PDE1A: variants seen among roughly 807,000 people sequenced by gnomAD.
PDE1A encodes dual specificity calcium/calmodulin-dependent 3',5'-cyclic nucleotide phosphodiesterase 1A.
In PDE1A, 35 loss-of-function variants were observed where a neutral mutation model predicts 61.7. The ratio of observed to expected loss-of-function variants is 0.57; its 90% CI spans 0.43 to 0.75. The LOEUF (loss-of-function observed/expected upper bound fraction) is 0.75. Among genes scored for constraint, PDE1A ranks in the 30% least tolerant of loss-of-function variants. PDE1A has a pLI of 0.00. For synonymous variants in PDE1A, 232 were observed against 213.2 expected, an observed-to-expected ratio of 1.09 and a Z score of -0.77; for missense variants, 597 against 630.6, an observed-to-expected ratio of 0.95 and a Z score of 0.57.
chr2:182,342,249 T>C (rs1386560039), intron 1 of PDE1A, among the ~76,000 whole-genome samples: 1 of 152,216 alleles, frequency 6.6e-6, no homozygotes, highest in Non-Finnish European at 1.5e-5. Flanking sequence ...AGTGTTGTTG[T>C]TGTTTGTTTT....
chr2:182,265,041 G>A (rs975580659), intron 1 of PDE1A, among the ~76,000 whole-genome samples: 2 of 151,640 alleles, frequency 1.3e-5, no homozygotes, highest in Middle Eastern at 3.2e-3. Flanking sequence ...TCACTTATAA[G>A]TGGGAGCTAA....
intron 2 of PDE1A, among the ~76,000 whole-genome samples, chr2:182,454,994 T>C (rs1685804739): frequency 1.3e-5 from 2 of 151,508 alleles, no homozygotes; most frequent in Non-Finnish European, 3.0e-5. Context: ...AGAAAATTTT[T>C]GCAACCTACT....
At chr2:182,207,661 G>A (rs1332637826) in intron 7 of PDE1A, among the ~76,000 whole-genome samples, 5 of 152,212 alleles carry the variant, frequency 3.3e-5, no homozygotes, top group East Asian at 1.9e-4. Context: ...ATTTGCATAC[G>A]TAAAGAGAAA....
chr2:182,284,858 A>G (rs1438048854), intron 1 of PDE1A, among the ~76,000 whole-genome samples: 1 of 152,132 alleles, frequency 6.6e-6, no homozygotes, highest in Non-Finnish European at 1.5e-5. Flanking sequence ...TCTCACATTG[A>G]TTTTATGAAG....
intron 1 of PDE1A, among the ~76,000 whole-genome samples, chr2:182,274,249 A>G (rs1001470749): frequency 1.5e-4 from 23 of 152,236 alleles, no homozygotes; most frequent in African/African-American, 4.1e-4. Context: ...ATGGCTTGGG[A>G]TATTTATTCT....
chr2:182,180,250 G>T (rs1684642177), intron 13 of PDE1A, among the ~76,000 whole-genome samples: 1 of 152,008 alleles, frequency 6.6e-6, no homozygotes, highest in Non-Finnish European at 1.5e-5. Flanking sequence ...CATATATAAA[G>T]CACATGTTAG....
chr2:182,438,443 T>A (rs1255901527), intron 2 of PDE1A, among the ~76,000 whole-genome samples: 1 of 151,948 alleles, frequency 6.6e-6, no homozygotes, highest in African/African-American at 2.4e-5. Context: ...ATTCTATTTT[T>A]AAAAGTAATT....
chr2:182,577,645 CTCATAGAATTGCAT>C, the PDE1A span, among the ~76,000 whole-genome samples: 2 of 152,192 alleles, frequency 1.3e-5, no homozygotes, highest in African/African-American at 4.8e-5. Context: ...TAAAATTGCA[CTCATAGAATTGCAT>C]TCATAAAATT....
At chr2:182,591,255 T>C in the PDE1A span, among the ~76,000 whole-genome samples, 1 of 152,190 alleles carries the variant, frequency 6.6e-6, no homozygotes, top group Non-Finnish European at 1.5e-5. Context: ...AGGTGTTCTA[T>C]TACAATAAGT....
chr2:182,205,563 T>TA lies in PDE1A; in HGVS notation c.902+376dup, dbSNP rs777331329. Among the ~76,000 whole-genome samples, 36 of 152,130 alleles carry TA rather than the reference T, an allele frequency of 2.4e-4. No homozygotes were observed. The South Asian group carries it at 3.9e-3, about 17-fold the overall frequency. On this transcript the variant is annotated intron_variant, in intron 8 of 13. Coordinates refer to ENST00000351439, the Ensembl canonical transcript of PDE1A. The stretch of plus-strand genomic sequence containing the variant: ...AAAAAAACCTTAACTCCACATCTTT[T>TA]AAAAAAAATATATGAAAGAATGAAT...
intron 2 of PDE1A, among the ~76,000 whole-genome samples, chr2:182,475,038 T>C (rs1687265353): frequency 6.6e-6 from 1 of 151,936 alleles, no homozygotes; most frequent in Non-Finnish European, 1.5e-5. Context: ...CTTTTAGAGG[T>C]AGCTCTCTGT....
the PDE1A span, among the ~76,000 whole-genome samples, chr2:182,562,033 T>A: frequency 6.6e-6 from 1 of 150,776 alleles, no homozygotes; most frequent in African/African-American, 2.4e-5. Context: ...CTTTTCCTAA[T>A]TGAATACCCT....
the PDE1A span, among the ~76,000 whole-genome samples, chr2:182,602,174 G>C: frequency 6.6e-6 from 1 of 152,246 alleles, no homozygotes; most frequent in Non-Finnish European, 1.5e-5. Context: ...ATGAAGGCAG[G>C]GGGGCCTTCC....
chr2:182,505,460 C>A (rs1179765286), intron 2 of PDE1A, among the ~76,000 whole-genome samples: 1 of 152,186 alleles, frequency 6.6e-6, no homozygotes, highest in Non-Finnish European at 1.5e-5. Flanking sequence ...GAACAGCTAT[C>A]ATTCGTAGAT....
chr2:182,488,271 T>C (rs78248613), intron 2 of PDE1A, among the ~76,000 whole-genome samples: 2,327 of 152,300 alleles, frequency 0.015, 29 homozygotes, highest in African/African-American at 0.029. Flanking sequence ...TTAAAATGAC[T>C]ATAGCACTTG....
At position 182,147,146 on chromosome 2, in the gene PDE1A, G is replaced by A. The variant is rs781151204; in HGVS notation, c.1523C>T (p.Ser508Phe). The change falls in exon 14 of 14, where the codon TCT (serine) becomes TTT (phenylalanine). Residue 508 changes from serine (S) to phenylalanine (F), a missense_variant. Transcript: ENST00000409365. ...GTCTTCTGAGTTCTTATGAAGATCA[G>A]ATTCACCTAAAAATATAAGGAAACA... 5.8e-5 allele frequency: 91 copies of A among 1,582,016 alleles called. No individual in the cohort carries two copies. The highest frequency in any genetic ancestry group is 1.0e-4 in the Admixed American group (6 of 58,226).
At chr2:182,506,920 G>C (rs1396138328) in intron 2 of PDE1A, among the ~76,000 whole-genome samples, 6 of 152,070 alleles carry the variant, frequency 3.9e-5, no homozygotes, top group Non-Finnish European at 8.8e-5. Flanking sequence ...TCTTCTATTT[G>C]GTGGGAAATT....
chr2:182,286,094 A>C lies in PDE1A; in HGVS notation c.54-21680T>G, dbSNP rs1239183577. 2.6e-5 allele frequency among the ~76,000 whole-genome samples: 4 copies of C among 152,144 alleles called. No homozygotes were observed. In the South Asian group the frequency reaches 8.3e-4, roughly 31 times the overall value. ...AGCACAATGGCATAGTATGAGCCCA[A>C]TTAATGCTAATTTAAGCAAAGAATG... On this transcript the variant is annotated intron_variant, in intron 1 of 13. Coordinates refer to ENST00000351439, the Ensembl canonical transcript of PDE1A.
the PDE1A span, among the ~76,000 whole-genome samples, chr2:182,561,967 G>A: frequency 3.9e-5 from 6 of 151,968 alleles, no homozygotes; most frequent in African/African-American, 1.5e-4. Flanking sequence ...CTGAGACAAT[G>A]GTGTTTTCTA....
Sources: allele counts gnomAD v4.1 joint callset (sites outside exome capture counted in the v4.1 genomes callset), GRCh38; gene constraint gnomAD v4.1.1; transcripts MANE v1.5; gene names NCBI Gene and HGNC (gene_info 2026-07-23, HGNC 2026-07-21).